The following LSAMP variants were observed in gnomAD, a reference collection of about 807,000 sequenced individuals.
The protein encoded by LSAMP is limbic system-associated membrane protein.
LSAMP carries 7 observed loss-of-function variants against 38.6 expected under a neutral mutation model. The observed-to-expected ratio is 0.18, with a 90% CI of 0.10 to 0.34. The LOEUF is 0.34. Ranked by LOEUF, LSAMP falls within the 10% of genes least tolerant of loss-of-function variation. The pLI is 1.00. For synonymous variants in LSAMP, 154 were observed against 166.8 expected, an observed-to-expected ratio of 0.92 and a Z score of 0.59; for missense variants, 313 against 420.0, an observed-to-expected ratio of 0.75 and a Z score of 2.23.
chr3:115,991,790 T>C (rs1384682576), intron 3 of LSAMP, among the ~76,000 whole-genome samples: 2 of 151,330 alleles, frequency 1.3e-5, no homozygotes, highest in Admixed American at 1.3e-4. Flanking sequence ...GCTGTTACTA[T>C]GAAAGCAATG....
intron 3 of LSAMP, among the ~76,000 whole-genome samples, chr3:115,854,664 C>T (rs916281517): frequency 6.6e-6 from 1 of 152,066 alleles, no homozygotes; most frequent in African/African-American, 2.4e-5. Context: ...GGGTAACTGG[C>T]CACTTTTCTG....
At position 115,811,223 on chromosome 3, in the gene LSAMP, A is replaced by T. The variant is rs541029179; in HGVS notation, c.920-809T>A. ...TGCCACCTTAGTTTTCCCAATGTGG[A>T]CACAATTTGGGGGATGTGGGTGTGG... is the stretch of plus-strand genomic sequence containing the variant. On this transcript the variant is annotated intron_variant, in intron 6 of 6. Coordinates refer to ENST00000490035, the MANE Select transcript of LSAMP (RefSeq NM_002338.5). Among the ~76,000 whole-genome samples the T allele has an allele frequency of 5.3e-5, 8 of 152,230 alleles. No homozygotes were observed. The South Asian group carries it at 1.7e-3, about 32-fold the overall frequency.
chr3:115,979,514 G>A (rs1032772217), intron 3 of LSAMP, among the ~76,000 whole-genome samples: 3 of 152,124 alleles, frequency 2.0e-5, no homozygotes, highest in African/African-American at 4.8e-5. Context: ...AGAAAGCATG[G>A]CTTTGAAGGT....
At chr3:116,080,687 C>G (rs1316401159) in intron 2 of LSAMP, among the ~76,000 whole-genome samples, 2 of 152,194 alleles carry the variant, frequency 1.3e-5, no homozygotes, top group African/African-American at 2.4e-5. Context: ...GACCTATTAA[C>G]AGCCAATCAA....
At chr3:115,844,846 G>A (rs374508818) in intron 4 of LSAMP, among the ~76,000 whole-genome samples, 7 of 152,262 alleles carry the variant, frequency 4.6e-5, no homozygotes, top group African/African-American at 1.4e-4. Context: ...GTGTGGTGGT[G>A]TGTACCTGTA....
At chr3:116,164,125 A>G (rs1486405781) in intron 1 of LSAMP, among the ~76,000 whole-genome samples, 1 of 152,146 alleles carries the variant, frequency 6.6e-6, no homozygotes, top group Non-Finnish European at 1.5e-5. Flanking sequence ...TATTTGTACA[A>G]ATATTGGGTA....
intron 2 of LSAMP, among the ~76,000 whole-genome samples, chr3:116,047,935 A>G (rs1301682872): frequency 2.0e-5 from 3 of 152,210 alleles, no homozygotes; most frequent in South Asian, 2.1e-4. Flanking sequence ...AAGAAAAAAT[A>G]TACTCTCATC....
intron 1 of LSAMP, among the ~76,000 whole-genome samples, chr3:116,132,682 T>TTC (rs1303521801): frequency 6.6e-6 from 1 of 152,212 alleles, no homozygotes. Context: ...TTCCCTTTAG[T>TTC]TCTCTCTCTT....
At chr3:116,091,390 C>T (rs1364541087) in intron 1 of LSAMP, among the ~76,000 whole-genome samples, 9 of 152,156 alleles carry the variant, frequency 5.9e-5, no homozygotes, top group African/African-American at 2.2e-4. Flanking sequence ...AGGTGACATA[C>T]ATCCTTCTCG....
chr3:115,819,509 C>T (rs186378330), intron 6 of LSAMP, among the ~76,000 whole-genome samples: 5 of 152,066 alleles, frequency 3.3e-5, no homozygotes, highest in Admixed American at 1.3e-4. Context: ...CTGCGTTAAC[C>T]TGTCACTGGC....
At chr3:115,955,806 T>C (rs990951242) in intron 3 of LSAMP, among the ~76,000 whole-genome samples, 1 of 152,118 alleles carries the variant, frequency 6.6e-6, no homozygotes, top group Non-Finnish European at 1.5e-5. Flanking sequence ...GTCTTTAGAG[T>C]TGCCTCCAAC....
At chr3:116,057,963 A>C (rs948053525) in intron 2 of LSAMP, among the ~76,000 whole-genome samples, 15 of 97,604 alleles carry the variant, frequency 1.5e-4, no homozygotes, top group Admixed American at 1.0e-3. Flanking sequence ...ACACCCACAC[A>C]CACACACACA....
At chr3:115,856,155 C>A (rs1007653066) in intron 3 of LSAMP, among the ~76,000 whole-genome samples, 1 of 152,126 alleles carries the variant, frequency 6.6e-6, no homozygotes. Flanking sequence ...TTAGTCACTC[C>A]ATAAATGTTT....
At chr3:116,134,956 G>C (rs994150662) in intron 1 of LSAMP, among the ~76,000 whole-genome samples, 2 of 152,116 alleles carry the variant, frequency 1.3e-5, no homozygotes, top group African/African-American at 4.8e-5. Flanking sequence ...CTCAATAATA[G>C]TATAAAAATG....
chr3:116,267,734 C>T (rs1183324662), intron 1 of LSAMP, among the ~76,000 whole-genome samples: 1 of 152,076 alleles, frequency 6.6e-6, no homozygotes, highest in Non-Finnish European at 1.5e-5. Context: ...GAAAGGTACT[C>T]TCCGCCTGCA....
At chr3:116,218,846 A>C (rs911475794) in intron 1 of LSAMP, among the ~76,000 whole-genome samples, 4 of 152,146 alleles carry the variant, frequency 2.6e-5, no homozygotes, top group Admixed American at 6.5e-5. Context: ...ATCAGTCCTT[A>C]GCTTTTCAAC....
chr3:116,310,900 G>C (rs2047548659), intron 1 of LSAMP, among the ~76,000 whole-genome samples: 1 of 133,056 alleles, frequency 7.5e-6, no homozygotes, highest in East Asian at 2.3e-4. Flanking sequence ...TGAGGAGGAA[G>C]ATGATGATAA....
intron 1 of LSAMP, among the ~76,000 whole-genome samples, chr3:116,305,123 T>C (rs572368589): frequency 2.4e-4 from 36 of 152,212 alleles, no homozygotes; most frequent in Non-Finnish European, 4.9e-4. Context: ...CCAATATCCT[T>C]CCCTATTCCC....
rs1933697068 is a variant in LSAMP at position 115,808,398 on chromosome 3, G to C, written c.*1919C>G. On this transcript the variant is annotated 3_prime_UTR_variant, in exon 7 of 7. Coordinates refer to ENST00000490035, the MANE Select transcript of LSAMP (RefSeq NM_002338.5). ...ACTGTGTAAGTGAGAGCAAGGGTTG[G>C]TTTTCTGACAAAGACATCTATATGC... 6.6e-6 allele frequency: 1 copy of C among 152,056 alleles called. No individual in the cohort carries two copies. The highest frequency in any genetic ancestry group is 3.4e-3 in the Middle Eastern group (1 of 294). The allele number at this position is 152,056 out of a possible 1,614,324, so 9.4% of individuals were successfully genotyped here.
Sources: gnomAD v4.1 joint callset for allele counts (sites outside exome capture counted in the v4.1 genomes callset) on GRCh38, gnomAD v4.1.1 for gene constraint, MANE v1.5 for transcripts, NCBI Gene and HGNC (gene_info 2026-07-23, HGNC 2026-07-21) for gene names.